Variants in ATG4A observed in about 807,000 individuals in gnomAD.
ATG4A encodes autophagy related 4A cysteine peptidase, also known as cysteine protease ATG4A.
In ATG4A, 22 loss-of-function variants were observed where a neutral mutation model predicts 38.4. The ratio of observed to expected loss-of-function variants is 0.57; its 90% CI spans 0.41 to 0.82. The LOEUF (loss-of-function observed/expected upper bound fraction) is 0.82. Ranked by LOEUF, ATG4A falls within the 40% of genes least tolerant of loss-of-function variation. The probability of loss-of-function intolerance (pLI) is 0.00; values close to 1 mark genes in which losing one functional copy is unlikely to be tolerated. For synonymous variants in ATG4A, 86 were observed against 100.7 expected (o/e 0.85, Z 0.88); for missense variants, 220 against 290.0 (o/e 0.76, Z 1.75).
chrX:108,103,388 A>G (rs2032077210), intron 1 of ATG4A, among the ~76,000 whole-genome samples: 1 of 112,132 alleles, frequency 8.9e-6, no homozygotes, highest in Admixed American at 9.4e-5. Flanking sequence ...CTGTATATGT[A>G]TGGATTTATG....
intron 1 of ATG4A, among the ~76,000 whole-genome samples, chrX:108,106,394 A>C (rs1006087453): frequency 8.9e-6 from 1 of 112,308 alleles, no homozygotes; most frequent in Non-Finnish European, 1.9e-5. Flanking sequence ...ACATCAGACA[A>C]TGTTATGACT....
At chrX:108,121,557 C>T (rs1181678014) in intron 1 of ATG4A, among the ~76,000 whole-genome samples, 3 of 111,430 alleles carry the variant, frequency 2.7e-5, no homozygotes, top group Admixed American at 1.9e-4. Context: ...GGTGTTCCCT[C>T]AATCAGGAAT....
intron 1 of ATG4A, among the ~76,000 whole-genome samples, chrX:108,100,427 A>G (rs1004547132): frequency 9.0e-6 from 1 of 110,852 alleles, no homozygotes; most frequent in Non-Finnish European, 1.9e-5. Context: ...TCATCTGCAG[A>G]GAGGGACAGT....
chrX:108,101,526 A>G (rs758312730), intron 1 of ATG4A, among the ~76,000 whole-genome samples: 34 of 109,496 alleles, frequency 3.1e-4, no homozygotes, highest in African/African-American at 9.6e-4. Context: ...CTTTAGTGCA[A>G]TGAATTTCCA....
intron 1 of ATG4A, among the ~76,000 whole-genome samples, chrX:108,105,407 C>T (rs2032142151): frequency 9.0e-6 from 1 of 110,977 alleles, no homozygotes; most frequent in Non-Finnish European, 1.9e-5. Flanking sequence ...GTGTCTACAA[C>T]ACTGCAAGTT....
At chrX:108,150,395 T>C (rs751644983) in intron 10 of ATG4A, 98 bp downstream of exon 10, 11 of 1,061,882 alleles carry the variant, frequency 1.0e-5, no homozygotes, top group Non-Finnish European at 1.4e-5. Flanking sequence ...CAAGAGTATG[T>C]TTGCTCACTA....
At chrX:108,091,324 G>T, upstream of ATG4A, 2 of 911,641 alleles carry the variant, frequency 2.2e-6, no homozygotes, top group Admixed American at 4.5e-5. Flanking sequence ...TCAGAAACGG[G>T]GCCTCCGCTA....
chrX:108,136,601 C>T (rs1051196866), intron 6 of ATG4A, among the ~76,000 whole-genome samples: 3 of 111,605 alleles, frequency 2.7e-5, no homozygotes, highest in African/African-American at 9.8e-5. Flanking sequence ...CACCCACTGT[C>T]TCTATCTCTG....
intron 2 of ATG4A, chrX:108,126,826 C>T (rs1400163015): frequency 2.2e-6 from 2 of 912,813 alleles, no homozygotes; most frequent in Admixed American, 6.1e-5. Flanking sequence ...CCTGAAACTG[C>T]TAACAGCCCA....
intron 9 of ATG4A, among the ~76,000 whole-genome samples, chrX:108,147,459 G>A (rs910915729): frequency 9.0e-6 from 1 of 111,632 alleles, no homozygotes; most frequent in Non-Finnish European, 1.9e-5. Context: ...GACACCTGGC[G>A]AGGCTGTGCA....
chrX:108,126,315 G>T, intron 2 of ATG4A, 128 bp downstream of exon 2: 1 of 505,693 alleles, frequency 2.0e-6, no homozygotes, highest in Non-Finnish European at 3.4e-6. Flanking sequence ...CTCTGAGGTG[G>T]ATTTAACTTG....
intron 1 of ATG4A, among the ~76,000 whole-genome samples, chrX:108,108,674 A>G (rs2032261774): frequency 9.0e-6 from 1 of 111,420 alleles, no homozygotes; most frequent in Non-Finnish European, 1.9e-5. Flanking sequence ...CAGTAGGATT[A>G]AGTATATTCA....
upstream of ATG4A, among the ~76,000 whole-genome samples, chrX:108,090,681 T>C (rs1271414594): frequency 8.9e-6 from 1 of 112,006 alleles, no homozygotes; most frequent in East Asian, 2.8e-4. Flanking sequence ...TTTGTGGGCT[T>C]ACTAAAGGCA....
intron 1 of ATG4A, among the ~76,000 whole-genome samples, chrX:108,125,659 A>G (rs1333967169): frequency 1.8e-5 from 2 of 112,058 alleles, no homozygotes; most frequent in Non-Finnish European, 3.8e-5. Flanking sequence ...GCCACTGGCC[A>G]CTAGAAACCT....
intron 1 of ATG4A, among the ~76,000 whole-genome samples, chrX:108,111,205 T>C (rs2032346519): frequency 8.9e-6 from 1 of 112,163 alleles, no homozygotes; most frequent in Non-Finnish European, 1.9e-5. Flanking sequence ...CTGGCTCTCA[T>C]TGCTATCCTT....
At chrX:108,119,427 A>C (rs921109225) in intron 1 of ATG4A, among the ~76,000 whole-genome samples, 5 of 111,870 alleles carry the variant, frequency 4.5e-5, no homozygotes, top group African/African-American at 1.6e-4. Context: ...AATGAGAAAT[A>C]CATTTTACAT....
At chrX:108,088,903 GA>G (rs201894843), upstream of ATG4A, 397,008 of 926,294 alleles carry the variant, frequency 0.43, 66,282 homozygotes, top group Non-Finnish European at 0.46. Context: ...AAAAAAGCAA[GA>G]AAAAAAATAC....
At chrX:108,107,185 T>C (rs1320382053) in intron 1 of ATG4A, among the ~76,000 whole-genome samples, 1 of 111,543 alleles carries the variant, frequency 9.0e-6, no homozygotes, top group East Asian at 2.8e-4. Flanking sequence ...GTCCCGTGTG[T>C]CCCTGAAGCT....
intron 9 of ATG4A, among the ~76,000 whole-genome samples, chrX:108,142,186 C>T (rs1445712924): frequency 1.8e-5 from 2 of 111,300 alleles, no homozygotes; most frequent in African/African-American, 3.3e-5. Context: ...GCAGGTGGAT[C>T]GCCTGAGCTC....
Sources: allele counts gnomAD v4.1 joint callset (sites outside exome capture counted in the v4.1 genomes callset), GRCh38; gene constraint gnomAD v4.1.1; transcripts MANE v1.5; gene names NCBI Gene and HGNC (gene_info 2026-07-23, HGNC 2026-07-21).